Variants in CPED1 observed in about 807,000 individuals in gnomAD.
CPED1 encodes the protein cadherin like and PC-esterase domain containing 1, also known as cadherin-like and PC-esterase domain-containing protein 1.
Under a neutral mutation model 128.2 loss-of-function variants are expected in CPED1, and 114 were observed. The observed-to-expected ratio is 0.89, with a 90% CI of 0.76 to 1.04. CPED1 has a LOEUF of 1.04. Among genes scored for constraint, CPED1 ranks in the 50% least tolerant of loss-of-function variants. The pLI is 0.00. For synonymous variants in CPED1, 462 were observed against 426.7 expected (o/e 1.08, Z -1.02); for missense variants, 1,211 against 1,207.1 (o/e 1.00, Z -0.05).
chr7:121,034,026 G>A (rs1792811711), intron 3 of CPED1, among the ~76,000 whole-genome samples: 1 of 152,092 alleles, frequency 6.6e-6, no homozygotes, highest in Admixed American at 6.6e-5. Context: ...AGTAGAACAG[G>A]AAGAAGGAAT....
chr7:121,261,878 A>T, intron 18 of CPED1: 2 of 672,684 alleles, frequency 3.0e-6, no homozygotes, highest in Non-Finnish European at 5.0e-6. Context: ...AGAAACTGGA[A>T]ATAAAAACAA....
At chr7:121,151,598 T>TAA (rs1484843435) in intron 16 of CPED1, among the ~76,000 whole-genome samples, 7 of 152,224 alleles carry the variant, frequency 4.6e-5, no homozygotes, top group African/African-American at 1.7e-4. Flanking sequence ...CCAAATCTAA[T>TAA]ATTTGCCTTA....
intron 2 of CPED1, among the ~76,000 whole-genome samples, chr7:120,991,891 C>A (rs1189658480): frequency 1.3e-5 from 2 of 152,180 alleles, no homozygotes. Context: ...GATTTCCAAA[C>A]ATTAGCCATG....
intron 15 of CPED1, among the ~76,000 whole-genome samples, chr7:121,141,532 T>G (rs1461322388): frequency 1.3e-5 from 2 of 152,052 alleles, no homozygotes; most frequent in Non-Finnish European, 2.9e-5. Flanking sequence ...GGAAATGTAC[T>G]TGGAACCCTC....
intron 16 of CPED1, among the ~76,000 whole-genome samples, chr7:121,160,793 C>A (rs1796395491): frequency 6.6e-6 from 1 of 152,080 alleles, no homozygotes; most frequent in Non-Finnish European, 1.5e-5. Context: ...TGTATGTAGG[C>A]TTCTCAGGGA....
At chr7:121,030,155 A>G (rs1361656456) in intron 3 of CPED1, among the ~76,000 whole-genome samples, 2 of 152,074 alleles carry the variant, frequency 1.3e-5, no homozygotes, top group African/African-American at 4.8e-5. Context: ...GCACACACAG[A>G]CACACACACA....
chr7:121,093,965 A>G (rs1213199945), intron 5 of CPED1, among the ~76,000 whole-genome samples: 1 of 152,042 alleles, frequency 6.6e-6, no homozygotes, highest in African/African-American at 2.4e-5. Context: ...GCCCTGACTG[A>G]TAGAGTGATT....
intron 16 of CPED1, among the ~76,000 whole-genome samples, chr7:121,205,680 T>C (rs1797500448): frequency 1.3e-5 from 2 of 152,024 alleles, no homozygotes; most frequent in South Asian, 4.1e-4. Context: ...CTTGAAACTC[T>C]CAGCAGCACT....
chr7:121,049,523 C>G (rs7784837), intron 4 of CPED1, among the ~76,000 whole-genome samples: 100,032 of 152,176 alleles, frequency 0.66, 35,622 homozygotes, highest in Admixed American at 0.8. Flanking sequence ...GTGATGCCAC[C>G]CACAAACGTC....
intron 18 of CPED1, among the ~76,000 whole-genome samples, chr7:121,253,654 G>A (rs1202580043): frequency 6.6e-6 from 1 of 151,890 alleles, no homozygotes; most frequent in African/African-American, 2.4e-5. Context: ...AAAAAGATAA[G>A]ACTCAACCAT....
intron 2 of CPED1, among the ~76,000 whole-genome samples, chr7:120,994,657 G>GTGTGTGTGTGTGTTGT (rs148572524): frequency 6.7e-6 from 1 of 149,192 alleles, no homozygotes; most frequent in African/African-American, 2.5e-5. Context: ...GTGTGTGTGT[G>GTGTGTGTGTGTGTTGT]TGTTGTTGTT....
chr7:121,080,922 T>G (rs1341025548), intron 5 of CPED1, among the ~76,000 whole-genome samples: 2 of 152,188 alleles, frequency 1.3e-5, no homozygotes, highest in Non-Finnish European at 2.9e-5. Context: ...GCTGTTTTCA[T>G]TTATTTTCAC....
chr7:121,019,983 T>C (rs552675102), intron 3 of CPED1, among the ~76,000 whole-genome samples: 2 of 152,186 alleles, frequency 1.3e-5, no homozygotes, highest in Admixed American at 1.3e-4. Flanking sequence ...CATCAAGGAC[T>C]CTGACTTAGA....
At chr7:121,272,312 G>A (rs1184998485) in intron 22 of CPED1, among the ~76,000 whole-genome samples, 1 of 152,004 alleles carries the variant, frequency 6.6e-6, no homozygotes, top group Non-Finnish European at 1.5e-5. Flanking sequence ...GGATGCTAAG[G>A]ACAAGAAGAG....
chr7:121,201,219 T>C (rs1797389351), intron 16 of CPED1, among the ~76,000 whole-genome samples: 1 of 151,936 alleles, frequency 6.6e-6, no homozygotes, highest in Non-Finnish European at 1.5e-5. Flanking sequence ...GTTATAGAAA[T>C]AAATTATTAT....
intron 2 of CPED1, among the ~76,000 whole-genome samples, chr7:121,004,479 T>C (rs754817796): frequency 7.2e-5 from 11 of 152,056 alleles, no homozygotes; most frequent in African/African-American, 1.2e-4. Flanking sequence ...CAGAAAGAGA[T>C]TCTAGGCCGG....
intron 16 of CPED1, among the ~76,000 whole-genome samples, chr7:121,223,750 G>C (rs1264828825): frequency 6.6e-6 from 1 of 152,022 alleles, no homozygotes; most frequent in Non-Finnish European, 1.5e-5. Context: ...TTTCGTAGAG[G>C]TATTTATAGT....
chr7:121,042,778 T>C (rs971683135), intron 3 of CPED1, among the ~76,000 whole-genome samples: 2 of 152,204 alleles, frequency 1.3e-5, no homozygotes, highest in Non-Finnish European at 2.9e-5. Flanking sequence ...ACATTGTAAG[T>C]TCTGAAGAAC....
intron 16 of CPED1, among the ~76,000 whole-genome samples, chr7:121,203,327 AATT>A (rs1387026675): frequency 6.6e-6 from 1 of 151,998 alleles, no homozygotes; most frequent in East Asian, 1.9e-4. Flanking sequence ...TCCACCAATT[AATT>A]ATTCTTCGAA....
Sources: gnomAD v4.1 joint callset for allele counts (sites outside exome capture counted in the v4.1 genomes callset) on GRCh38, gnomAD v4.1.1 for gene constraint, MANE v1.5 for transcripts, NCBI Gene and HGNC (gene_info 2026-07-23, HGNC 2026-07-21) for gene names.